The following PIK3R3 variants were observed in gnomAD, a reference collection of about 807,000 sequenced individuals.
PIK3R3 encodes the protein phosphatidylinositol 3-kinase regulatory subunit gamma.
PIK3R3 carries 64 observed loss-of-function variants against 62.9 expected under a neutral mutation model. The ratio of observed to expected loss-of-function variants is 1.02; its 90% confidence interval spans 0.83 to 1.25. The LOEUF is 1.25. Among genes scored for constraint, PIK3R3 ranks in the 50% most tolerant of loss-of-function variants. The probability of loss-of-function intolerance (pLI) is 0.00; values close to 1 mark genes in which losing one functional copy is unlikely to be tolerated. For missense variants in PIK3R3, 614 were observed against 561.6 expected, an observed-to-expected ratio of 1.09 and a Z score of -0.94; for synonymous variants, 165 against 189.0, an observed-to-expected ratio of 0.87 and a Z score of 1.04.
rs1261736246 is a variant in PIK3R3 at position 46,062,025 on chromosome 1, A to G, written c.668T>C (p.Ile223Thr). ...GTGACACTGCTCTTCAAATATTTTA[A>G]TTGTTTCATTAAAAGCTTCTATTGC... ...RTAIEAFNET[I>T]KIFEEQCHTQ... The change falls in exon 6 of 10, where the codon ATT becomes ACT. Residue 223 changes from isoleucine to threonine, a missense_variant. By Grantham distance (89) the Ile-to-Thr change is moderately conservative (BLOSUM62 -1). Coordinates refer to ENST00000262741, the MANE Select transcript of PIK3R3 (RefSeq NM_003629.4). 3 of 1,612,414 alleles carry G rather than the reference A, an allele frequency of 1.9e-6. No individual in the cohort carries two copies. In the Admixed American group the frequency reaches 5.0e-5, roughly 27 times the overall value.
At chr1:46,102,083 T>A (rs1442187631) in intron 1 of PIK3R3, among the ~76,000 whole-genome samples, 2 of 140,078 alleles carry the variant, frequency 1.4e-5, no homozygotes, top group African/African-American at 5.3e-5. Flanking sequence ...CCCCTGGGGT[T>A]CACGCCATTC....
At chr1:46,075,398 G>GA (rs1649974566) in intron 3 of PIK3R3, among the ~76,000 whole-genome samples, 1 of 152,132 alleles carries the variant, frequency 6.6e-6, no homozygotes, top group Admixed American at 6.6e-5. Flanking sequence ...AGGACTGCTT[G>GA]AGCCCAGGAG....
chr1:46,124,244 A>G (rs894655087), intron 1 of PIK3R3, among the ~76,000 whole-genome samples: 2 of 152,210 alleles, frequency 1.3e-5, no homozygotes, highest in African/African-American at 2.4e-5. Context: ...TACAAAGGTA[A>G]GAGTTCAATT....
chr1:46,126,050 G>A (rs930743827), intron 1 of PIK3R3, among the ~76,000 whole-genome samples: 6 of 151,574 alleles, frequency 4.0e-5, no homozygotes, highest in African/African-American at 7.3e-5. Context: ...ATGAGCCACC[G>A]CGCTTTGCCG....
the PIK3R3 span, among the ~76,000 whole-genome samples, chr1:46,144,282 A>G: frequency 6.6e-6 from 1 of 152,194 alleles, no homozygotes; most frequent in Non-Finnish European, 1.5e-5. Context: ...AGCAGAGGTG[A>G]GGAATGGAAA....
rs753557871 is a variant in PIK3R3 at position 46,042,310 on chromosome 1, C to T, written c.*1363G>A. 1 of 229,094 alleles carries T rather than the reference C, an allele frequency of 4.4e-6. No homozygotes were observed. The highest frequency in any genetic ancestry group is 8.7e-6 in the Non-Finnish European group (1 of 115,488). The allele number at this position is 229,094 out of a possible 1,614,324, so 14.2% of individuals were successfully genotyped here. A position where few individuals can be genotyped will look rare whatever the true frequency, so the allele number is the denominator to read the frequency against. On this transcript the variant is annotated 3_prime_UTR_variant, in exon 10 of 10. Transcript: ENST00000262741. The surrounding 1 kb of genome is among the most constrained non-coding windows in gnomAD (Gnocchi z 4.3). ...CACTGGAGCAGGAGGGCAGACTGCA[C>T]ATAGCCTTAATGGCAGGATCACAAA...
At chr1:46,089,104 GAAGCTCC>G (rs1252909671) in intron 1 of PIK3R3, among the ~76,000 whole-genome samples, 3 of 152,102 alleles carry the variant, frequency 2.0e-5, no homozygotes, top group Non-Finnish European at 4.4e-5. Flanking sequence ...CCTTTCTTAG[GAAGCTCC>G]TGAATGATGT....
At chr1:46,145,616 G>A in the PIK3R3 span, among the ~76,000 whole-genome samples, 2 of 152,072 alleles carry the variant, frequency 1.3e-5, no homozygotes, top group Non-Finnish European at 2.9e-5. Flanking sequence ...CTATAGGAAG[G>A]CATTAATATA....
In PIK3R3 at chr1:46,107,522, T is replaced by C. The variant is rs1653333948; in HGVS notation, c.106+24325A>G. On this transcript the variant is annotated intron_variant, in intron 1 of 9. Coordinates refer to ENST00000262741, the MANE Select transcript of PIK3R3 (RefSeq NM_003629.4). ...GTGAGCCAAGATCACGCCACTGCAC[T>C]CCAGCCTGGGTGACAGAGCGAGACT... is the stretch of plus-strand genomic sequence containing the variant. Among the ~76,000 whole-genome samples, 3 of 152,100 alleles carry C rather than the reference T, an allele frequency of 2.0e-5. No individual in the cohort carries two copies. The South Asian group carries it at 6.2e-4, about 32-fold the overall frequency.
At chr1:46,126,183 C>T (rs113873898) in intron 1 of PIK3R3, among the ~76,000 whole-genome samples, 1 of 152,016 alleles carries the variant, frequency 6.6e-6, no homozygotes, top group Non-Finnish European at 1.5e-5. Context: ...GGGTGTTTTC[C>T]AGAGGTTATA....
chr1:46,147,902 T>C, the PIK3R3 span, among the ~76,000 whole-genome samples: 2 of 152,186 alleles, frequency 1.3e-5, no homozygotes, highest in African/African-American at 4.8e-5. Flanking sequence ...TACCAAGGCA[T>C]TGAACTCTCA....
intron 3 of PIK3R3, among the ~76,000 whole-genome samples, chr1:46,075,427 C>A (rs544216499): frequency 6.6e-6 from 1 of 152,240 alleles, no homozygotes. Flanking sequence ...CCAGCCTGGG[C>A]AACACAGGGA....
chr1:46,130,149 C>T (rs1655450404), intron 1 of PIK3R3, among the ~76,000 whole-genome samples: 1 of 152,186 alleles, frequency 6.6e-6, no homozygotes, highest in Non-Finnish European at 1.5e-5. Flanking sequence ...CTACTCACCT[C>T]CCACCCAACA....
the PIK3R3 span, among the ~76,000 whole-genome samples, chr1:46,169,147 T>G: frequency 6.6e-6 from 1 of 152,202 alleles, no homozygotes; most frequent in African/African-American, 2.4e-5. Flanking sequence ...ATTTTACCTA[T>G]TGAAGCCTCA....
At chr1:46,083,178 T>C (rs2149417544) in intron 1 of PIK3R3, among the ~76,000 whole-genome samples, 1 of 152,316 alleles carries the variant, frequency 6.6e-6, no homozygotes, top group South Asian at 2.1e-4. Flanking sequence ...TTTAACAAAT[T>C]GTTCTGGAAC....
At chr1:46,072,627 GATAA>G (rs1649639098) in intron 3 of PIK3R3, among the ~76,000 whole-genome samples, 1 of 152,192 alleles carries the variant, frequency 6.6e-6, no homozygotes, top group African/African-American at 2.4e-5. Context: ...CCATTTTCCA[GATAA>G]ATAAGAAGCA....
chr1:46,069,113 G>A (rs896078636), intron 3 of PIK3R3, among the ~76,000 whole-genome samples: 4 of 152,134 alleles, frequency 2.6e-5, no homozygotes, highest in Admixed American at 2.0e-4. Context: ...TTTGCTGATG[G>A]CTTGGATACA....
At chr1:46,079,981 T>C (rs572982776) in intron 2 of PIK3R3, among the ~76,000 whole-genome samples, 14 of 151,574 alleles carry the variant, frequency 9.2e-5, no homozygotes, top group South Asian at 2.1e-4. Flanking sequence ...AAGATTTTCT[T>C]GTCACTTTTT....
intron 7 of PIK3R3, among the ~76,000 whole-genome samples, chr1:46,049,485 G>A (rs78077780): frequency 5.9e-5 from 9 of 152,318 alleles, no homozygotes; most frequent in African/African-American, 1.7e-4. Context: ...GACAGAAAAC[G>A]GTGCCTCAGG....
Sources: gnomAD v4.1 joint callset for allele counts (sites outside exome capture counted in the v4.1 genomes callset) on GRCh38, gnomAD v4.1.1 for gene constraint, Gnocchi (gnomAD v3.1) non-coding constraint, MANE v1.5 for transcripts, NCBI Gene and HGNC (gene_info 2026-07-23, HGNC 2026-07-21) for gene names.